Variants in GCSAM observed in about 807,000 individuals in gnomAD.
GCSAM encodes the protein germinal center associated signaling and motility, also known as germinal center-associated signaling and motility protein.
Under a neutral mutation model 17.6 loss-of-function variants are expected in GCSAM, and 8 were observed. The ratio of observed to expected loss-of-function variants is 0.46; its 90% CI spans 0.27 to 0.82. The LOEUF is 0.82. Ranked by LOEUF, GCSAM falls within the 40% of genes least tolerant of loss-of-function variation. GCSAM has a pLI of 0.15. For synonymous variants in GCSAM, 68 were observed against 69.0 expected, an observed-to-expected ratio of 0.98 and a Z score of 0.07; for missense variants, 192 against 213.5, an observed-to-expected ratio of 0.90 and a Z score of 0.63.
chr3:112,123,198 C>G lies in GCSAM; in HGVS notation c.*257G>C, dbSNP rs376594034. 8.8e-6 allele frequency: 5 copies of G among 567,180 alleles called. No individual in the cohort carries two copies. The highest frequency in any genetic ancestry group is 5.0e-4 in the Middle Eastern group (1 of 1,992). The allele number at this position is 567,180 out of a possible 1,614,324, so 35.1% of individuals were successfully genotyped here. Reference sequence around the variant, plus strand: ...GGGAATCAGGGAGCCCCTCCTACCACTATACTCTCCAAACCATGTAGAACC... The same window carrying G: ...GGGAATCAGGGAGCCCCTCCTACCAGTATACTCTCCAAACCATGTAGAACC... On this transcript the variant is annotated 3_prime_UTR_variant, in exon 6 of 6. Transcript: ENST00000308910.
rs1232284069 is a variant in GCSAM, at chr3:112,123,845, G to A, written c.220-73C>T. ...ACCTTTACATTTCAGTCTCAACACA[G>A]GCTTGACCCTTGGTCAAGTCTGTCT... is the stretch of plus-strand genomic sequence containing the variant. On this transcript the variant is annotated intron_variant, in intron 5 of 5. Coordinates refer to ENST00000308910, the MANE Select transcript of GCSAM (RefSeq NM_152785.5). 6.1e-6 allele frequency: 9 copies of A among 1,486,004 alleles called. No individual in the cohort carries two copies. The Admixed American group carries it at 1.2e-4, about 21-fold the overall frequency. The allele number at this position is 1,486,004 out of a possible 1,614,324, so 92.1% of individuals were successfully genotyped here.
chr3:112,130,815 C>T (rs16859274), intron 1 of GCSAM: 226 of 400,518 alleles, frequency 5.6e-4, no homozygotes, highest in Admixed American at 1.5e-3. Context: ...TGAGAGTATC[C>T]GTGTCCAGAG....
At chr3:112,129,789 T>G (rs2074409359) in intron 2 of GCSAM, 1 of 152,196 alleles carries the variant, frequency 6.6e-6, no homozygotes, top group South Asian at 2.1e-4. Flanking sequence ...GTTTTTTAAT[T>G]GCTCCTCTTT....
At chr3:112,127,931 C>T in intron 3 of GCSAM, 86 bp downstream of exon 3, 2 of 1,129,648 alleles carry the variant, frequency 1.8e-6, no homozygotes, top group Non-Finnish European at 2.7e-6. Context: ...CCACTGTGGC[C>T]ACAGACAGTC....
At chr3:112,125,350 G>A (rs1003330795) in intron 4 of GCSAM, 96 bp from the exon 5 acceptor site, 1 of 836,174 alleles carries the variant, frequency 1.2e-6, no homozygotes, top group Admixed American at 1.8e-5. Flanking sequence ...AAAAAGCCAA[G>A]AAACAGCTGG....
At position 112,125,240 on chromosome 3, in the gene GCSAM, A is replaced by G; in HGVS notation, c.205T>C (p.Ser69Pro). Residue 69 changes from serine (S) to proline (P), a missense_variant, in exon 5 of 6, where the codon TCT becomes CCT. Ser to Pro is a moderately conservative substitution (Grantham distance 74). Transcript: ENST00000308910. The stretch of plus-strand genomic sequence containing the variant: ...GTTCTTATTACCTGGATGGGAGTAG[A>G]TGACATTCTTTCATCTGGAGAAAGA... ...DSQNENERMSSTPIQDNVDQT... is the reference protein window; with the variant it reads ...DSQNENERMSPTPIQDNVDQT... The G allele has an allele frequency of 4.4e-6, 7 of 1,581,316 alleles. No individual in the cohort carries two copies. The highest frequency in any genetic ancestry group is 6.1e-6 in the Non-Finnish European group (7 of 1,150,252).
intron 5 of GCSAM, 116 bp from the exon 6 acceptor site, chr3:112,123,888 C>T (rs957267664): frequency 9.0e-6 from 10 of 1,107,206 alleles, no homozygotes; most frequent in African/African-American, 1.6e-5. Flanking sequence ...CCACCTCCTC[C>T]CCATCTCTTG....
chr3:112,130,139 C>A, intron 2 of GCSAM: 1 of 326,688 alleles, frequency 3.1e-6, no homozygotes. Flanking sequence ...ACAAAGGTAC[C>A]TGAGATAGAC....
At chr3:112,131,964 A>T (rs1355250287) in intron 1 of GCSAM, among the ~76,000 whole-genome samples, 1 of 152,178 alleles carries the variant, frequency 6.6e-6, no homozygotes, top group African/African-American at 2.4e-5. Flanking sequence ...AAGTAAAAAA[A>T]TTTTTTTAAA....
intron 2 of GCSAM, chr3:112,128,666 G>C (rs955846205): frequency 1.4e-4 from 25 of 175,228 alleles, no homozygotes; most frequent in African/African-American, 5.3e-4. Context: ...GAATAGCCAA[G>C]GACAGGACAA....
In GCSAM at chr3:112,121,413, C is replaced by T. The variant is rs372258142; in HGVS notation, c.*2042G>A. On this transcript the variant is annotated 3_prime_UTR_variant, in exon 6 of 6. Coordinates refer to ENST00000308910, the MANE Select transcript of GCSAM (RefSeq NM_152785.5). ...TCTATGCTCTTTGATATCATTTATT[C>T]GGCATCTGTAATAGATGATTGCCTG... The T allele has an allele frequency of 1.3e-4, 20 of 152,114 alleles. No homozygotes were observed. Among genetic ancestry groups the T allele is most frequent in the African/African-American group, 2.2e-4 (9 of 41,408 alleles). 9.4% of individuals were successfully genotyped at this position (152,114 alleles called of 1,614,324 possible).
Position 112,122,612 on chromosome 3 carries a change from A to G in GCSAM, c.*843T>C, listed in dbSNP as rs1304427664. 1 of 152,196 alleles carries G rather than the reference A, an allele frequency of 6.6e-6. No individual in the cohort carries two copies. Among genetic ancestry groups the G allele is most frequent in the Non-Finnish European group, 1.5e-5 (1 of 68,030 alleles). 9.4% of individuals were successfully genotyped at this position (152,196 alleles called of 1,614,324 possible). A position where few individuals can be genotyped will look rare whatever the true frequency, so the allele number is the denominator to read the frequency against. ...TATACATTTAGTATACATTTAATAT[A>G]TTGCAGAGGGCTTTCTATTTAGCAT... On this transcript the variant is annotated 3_prime_UTR_variant, in exon 6 of 6. Transcript: ENST00000308910.
intron 2 of GCSAM, chr3:112,129,530 T>C (rs1296108786): frequency 6.6e-6 from 1 of 152,218 alleles, no homozygotes. Context: ...GTCAGGAATT[T>C]GAGGTATCTG....
In GCSAM at chr3:112,128,034, C is replaced by T; in HGVS notation, c.126G>A (p.Gly42=). The change falls in exon 3 of 6, where the codon GGG becomes GGA. Residue 42 remains glycine, a synonymous_variant. Coordinates refer to ENST00000308910, the MANE Select transcript of GCSAM (RefSeq NM_152785.5). ...CCACTCACCATGGAAGGCAGAAACA[C>T]CCTTCAGCGATATGGTGATCCCAGC... ...SRCWDHHIAE[G]CFCLPWKKIL... 6.2e-7 allele frequency: 1 copy of T among 1,613,792 alleles called. No homozygotes were observed. Among genetic ancestry groups the T allele is most frequent in the Non-Finnish European group, 8.5e-7 (1 of 1,179,746 alleles).
At chr3:112,126,252 A>G (rs2074314882) in intron 4 of GCSAM, among the ~76,000 whole-genome samples, 2 of 152,216 alleles carry the variant, frequency 1.3e-5, no homozygotes, top group Admixed American at 6.5e-5. Context: ...TTGCAGGGCT[A>G]GATTTTAAGA....
At position 112,121,352 on chromosome 3, in the gene GCSAM, G is replaced by A. The variant is rs138817618; in HGVS notation, c.*2103C>T. ...CCTGAATAGCCAGCTGTATCAGCAT[G>A]GTTTTTTTCCGTACATCATAAAAGA... On this transcript the variant is annotated 3_prime_UTR_variant, in exon 6 of 6. Transcript: ENST00000308910. The A allele has an allele frequency of 6.6e-6, 1 of 152,172 alleles. No individual in the cohort carries two copies. The highest frequency in any genetic ancestry group is 1.5e-5 in the Non-Finnish European group (1 of 68,026). 9.4% of individuals were successfully genotyped at this position (152,172 alleles called of 1,614,324 possible).
chr3:112,130,725 A>G, intron 1 of GCSAM: 2 of 577,518 alleles, frequency 3.5e-6, no homozygotes, highest in East Asian at 3.0e-5. Flanking sequence ...GCAACAGCCC[A>G]CTGATGTTCT....
At chr3:112,132,658 C>G (rs2074485357) in intron 1 of GCSAM, 1 of 987,248 alleles carries the variant, frequency 1.0e-6, no homozygotes, top group Non-Finnish European at 1.2e-6. Flanking sequence ...GAGTGCACAT[C>G]AAAGGAAGAC....
chr3:112,125,162 G>A, intron 5 of GCSAM, 64 bp downstream of exon 5: 2 of 1,051,000 alleles, frequency 1.9e-6, no homozygotes, highest in African/African-American at 1.6e-5. Flanking sequence ...AACTTCTCCT[G>A]CCATTTAGGG....
Sources: gnomAD v4.1 joint callset for allele counts (sites outside exome capture counted in the v4.1 genomes callset) on GRCh38, gnomAD v4.1.1 for gene constraint, MANE v1.5 for transcripts, NCBI Gene and HGNC (gene_info 2026-07-23, HGNC 2026-07-21) for gene names.